NHSL1: variants seen among roughly 807,000 people sequenced by gnomAD.
The protein encoded by NHSL1 is NHS like 1.
A neutral mutation model predicts 95.0 loss-of-function variants in NHSL1; 48 were observed. The observed-to-expected ratio is 0.51, with a 90% CI of 0.40 to 0.64. The LOEUF is 0.64. Among genes scored for constraint, NHSL1 ranks in the 30% least tolerant of loss-of-function variants. NHSL1 has a pLI of 0.00. For missense variants in NHSL1, 1,971 were observed against 2,077.7 expected (o/e 0.95, Z 1.00); for synonymous variants, 783 against 833.9 (o/e 0.94, Z 1.05).
chr6:138,675,318 C>T (rs879221820), intron 1 of NHSL1, among the ~76,000 whole-genome samples: 9 of 152,082 alleles, frequency 5.9e-5, no homozygotes, highest in Admixed American at 2.6e-4. Context: ...GCTTCCAAAG[C>T]TTCACAACCA....
chr6:138,554,163 A>G lies in NHSL1; in HGVS notation c.202+17547T>C, dbSNP rs1409641245. On this transcript the variant is annotated intron_variant, in intron 1 of 6. Coordinates refer to the NHSL1 transcript ENST00000427025. ...TTGCCATTGCCACTATGCCTAACAT[A>G]TGTGTATTATATTTCAGAGGGTTTA... Among the ~76,000 whole-genome samples, 3 of 152,222 alleles carry G rather than the reference A, an allele frequency of 2.0e-5. No homozygotes were observed. In the East Asian group the frequency reaches 5.8e-4, roughly 29 times the overall value.
rs531443250 is a variant in NHSL1 at position 138,460,295 on chromosome 6, T to C, written c.339+13011A>G. Among the ~76,000 whole-genome samples the C allele has an allele frequency of 5.9e-5, 9 of 152,284 alleles. No homozygotes were observed. The South Asian group carries it at 8.3e-4, about 14-fold the overall frequency. On this transcript the variant is annotated intron_variant, in intron 3 of 7. Transcript: ENST00000343505. ...TTTTCTAGGGTCAGTTTTGATACAATGTATAAACTGGAAAATCAGTTTCAA... is the reference window on the plus strand; with the variant it reads ...TTTTCTAGGGTCAGTTTTGATACAACGTATAAACTGGAAAATCAGTTTCAA...
rs1260010068 is a variant in NHSL1, at chr6:138,447,052, G to A, written c.481C>T (p.Arg161Ter). The change falls in exon 4 of 8, where the codon CGA becomes TGA. Residue 161 changes from arginine (R) to a stop codon, truncating the protein, a stop_gained. Transcript: ENST00000343505. LOFTEE classifies it high-confidence loss of function. The stretch of plus-strand genomic sequence containing the variant: ...GCCTGGACTGTTTGGGCTTGCTGTC[G>A]CATCTTCTCTTCTGGTGTTGGCAGT... ...LPLPTPEEKMRQQAQTVQADV... is the reference protein window; with the variant it reads ...LPLPTPEEKM 1.3e-6 allele frequency: 2 copies of A among 1,551,688 alleles called. No homozygotes were observed. Among genetic ancestry groups the A allele is most frequent in the African/African-American group, 1.4e-5 (1 of 73,144 alleles).
At chr6:138,645,510 C>CTTTTTTTT (rs746425752) in intron 1 of NHSL1, among the ~76,000 whole-genome samples, 1 of 137,966 alleles carries the variant, frequency 7.2e-6, no homozygotes. Flanking sequence ...TTTCTTTTTT[C>CTTTTTTTT]TTTTTTTTTT....
chr6:138,495,524 C>A (rs149817954), intron 2 of NHSL1, among the ~76,000 whole-genome samples: 1 of 152,056 alleles, frequency 6.6e-6, no homozygotes, highest in South Asian at 2.1e-4. Context: ...TGAATACTTA[C>A]AATGGTTTTA....
intron 1 of NHSL1, among the ~76,000 whole-genome samples, chr6:138,599,151 T>A (rs186242990): frequency 9.8e-5 from 15 of 152,376 alleles, no homozygotes; most frequent in Middle Eastern, 6.8e-3. Context: ...TGTTTTGGAT[T>A]CTATTACATA....
chr6:138,485,932 A>G (rs1298293142), intron 2 of NHSL1, among the ~76,000 whole-genome samples: 1 of 152,196 alleles, frequency 6.6e-6, no homozygotes, highest in African/African-American at 2.4e-5. Context: ...CTTTTCACCA[A>G]AGAACTAACA....
At chr6:138,650,460 C>T (rs1272400404) in intron 1 of NHSL1, 6 of 1,116,948 alleles carry the variant, frequency 5.4e-6, no homozygotes, top group African/African-American at 3.1e-5. Flanking sequence ...GGTGTGGCTC[C>T]GGATGGCCAG....
chr6:138,430,266 C>A lies in NHSL1; in HGVS notation c.3952+127G>T, dbSNP rs750677452. On this transcript the variant is annotated intron_variant, in intron 6 of 7. Transcript: ENST00000343505. This position sits in a 1 kb window ranked among gnomAD's most constrained non-coding sequence, Gnocchi z 4.7. ...TGTTTTAACACAGGAAGCCTACATA[C>A]TGCTAGCTTTAACAGGAATCTGATC... The A allele has an allele frequency of 7.7e-6, 10 of 1,305,234 alleles. No individual in the cohort carries two copies. The highest frequency in any genetic ancestry group is 1.0e-5 in the Non-Finnish European group (10 of 996,468). The allele number at this position is 1,305,234 out of a possible 1,614,324, so 80.9% of individuals were successfully genotyped here.
chr6:138,551,718 TC>T (rs1783010333), intron 1 of NHSL1, among the ~76,000 whole-genome samples: 2 of 152,192 alleles, frequency 1.3e-5, no homozygotes, highest in South Asian at 2.1e-4. Flanking sequence ...TTTCACTGTC[TC>T]CCTGGCTCAC....
intron 7 of NHSL1, among the ~76,000 whole-genome samples, chr6:138,427,314 C>T (rs1775329125): frequency 6.6e-6 from 1 of 152,118 alleles, no homozygotes. Flanking sequence ...GTGGCACACG[C>T]CTATAATCCC....
intron 1 of NHSL1, among the ~76,000 whole-genome samples, chr6:138,601,320 A>T (rs564630197): frequency 2.6e-5 from 4 of 152,358 alleles, no homozygotes; most frequent in African/African-American, 7.2e-5. Flanking sequence ...ACCAACACTT[A>T]GATCATTCAG....
At chr6:138,625,377 A>C (rs113770343) in intron 1 of NHSL1, among the ~76,000 whole-genome samples, 161 of 152,120 alleles carry the variant, frequency 1.1e-3, no homozygotes, top group African/African-American at 3.8e-3. Context: ...TCCTGACCTC[A>C]AGTGATCCAC....
At chr6:138,665,989 A>G (rs1785289017) in intron 1 of NHSL1, among the ~76,000 whole-genome samples, 1 of 152,204 alleles carries the variant, frequency 6.6e-6, no homozygotes. Context: ...GAGGTGCTCA[A>G]TCCATAAGGA....
At chr6:138,657,576 G>T (rs1214896362) in intron 1 of NHSL1, among the ~76,000 whole-genome samples, 1 of 152,032 alleles carries the variant, frequency 6.6e-6, no homozygotes, top group Non-Finnish European at 1.5e-5. Flanking sequence ...CACTTTGGGA[G>T]GCCGAGGCAG....
At chr6:138,455,485 C>CCCTGCAAGGAGCCCCGCCTTCGCATGCTT (rs1777531612) in intron 3 of NHSL1, among the ~76,000 whole-genome samples, 1 of 14,334 alleles carries the variant, frequency 7.0e-5, no homozygotes, top group Non-Finnish European at 2.5e-4. Flanking sequence ...TTCACATGCT[C>CCCTGCAAGGAGCCCCGCCTTCGCATGCTT]CCTGCAAGGA....
At chr6:138,670,939 G>GAGGAGGA (rs1785360028) in intron 1 of NHSL1, among the ~76,000 whole-genome samples, 1 of 151,644 alleles carries the variant, frequency 6.6e-6, no homozygotes. Context: ...AAGGATTGCT[G>GAGGAGGA]AGGCCAGGAG....
chr6:138,501,455 C>A (rs572285318), upstream of NHSL1, among the ~76,000 whole-genome samples: 5 of 152,270 alleles, frequency 3.3e-5, no homozygotes, highest in African/African-American at 1.2e-4. Context: ...GGCCAGGCTG[C>A]AGCATCGTAG....
At chr6:138,664,701 T>G (rs568884677) in intron 1 of NHSL1, among the ~76,000 whole-genome samples, 2 of 152,372 alleles carry the variant, frequency 1.3e-5, no homozygotes, top group East Asian at 3.9e-4. Flanking sequence ...TCTGTAGCTC[T>G]ATCTTTATCT....
Sources: allele counts gnomAD v4.1 joint callset (sites outside exome capture counted in the v4.1 genomes callset), GRCh38; gene constraint gnomAD v4.1.1; non-coding constraint Gnocchi (gnomAD v3.1); transcripts MANE v1.5; gene names NCBI Gene and HGNC (gene_info 2026-07-23, HGNC 2026-07-21).